PRPSAP1: variants seen among roughly 807,000 people sequenced by gnomAD.
PRPSAP1 encodes phosphoribosyl pyrophosphate synthetase associated protein 1.
A neutral mutation model predicts 39.4 loss-of-function variants in PRPSAP1; 31 were observed. The ratio of observed to expected loss-of-function variants is 0.79; its 90% CI spans 0.59 to 1.06. The LOEUF is 1.06. Ranked by LOEUF, PRPSAP1 falls within the 50% of genes least tolerant of loss-of-function variation. PRPSAP1 has a pLI of 0.00. For missense variants in PRPSAP1, 430 were observed against 511.6 expected (o/e 0.84, Z 1.54); for synonymous variants, 212 against 192.6 (o/e 1.10, Z -0.83).
intron 1 of PRPSAP1, chr17:76,353,323 G>A: frequency 1.1e-5 from 6 of 532,600 alleles, no homozygotes; most frequent in South Asian, 7.8e-5. Context: ...GGGGGCTGAG[G>A]TCACCGAGAG....
At position 76,329,087 on chromosome 17, in the gene PRPSAP1, T is replaced by C. The variant is rs148149720; in HGVS notation, c.636-225A>G. 2,054 of 464,032 alleles carry C rather than the reference T, an allele frequency of 4.4e-3. 36 individuals carry two copies. The highest frequency in any genetic ancestry group is 0.037 in the African/African-American group (1,828 of 49,366). The allele number at this position is 464,032 out of a possible 1,614,324, so 28.7% of individuals were successfully genotyped here. ...CTGATTCTAGACATTTTTTTTTTTTTTTGAGACAAGGTCTCACTGTCACCC... is the reference window on the plus strand; with the variant it reads ...CTGATTCTAGACATTTTTTTTTTTTCTTGAGACAAGGTCTCACTGTCACCC... On this transcript the variant is annotated intron_variant, in intron 6 of 9. Coordinates refer to ENST00000446526, the MANE Select transcript of PRPSAP1 (RefSeq NM_002766.3).
chr17:76,310,331 G>C lies in PRPSAP1; in HGVS notation c.*1211C>G, dbSNP rs2071057563. 1 of 150,830 alleles carries C rather than the reference G, an allele frequency of 6.6e-6. No individual in the cohort carries two copies. The highest frequency in any genetic ancestry group is 1.5e-5 in the Non-Finnish European group (1 of 67,984). 9.3% of individuals were successfully genotyped at this position (150,830 alleles called of 1,614,324 possible). The stretch of plus-strand genomic sequence containing the variant: ...TCTTTTTATGCTTTTAACTTAGCTA[G>C]GCTAATTTTTGTATTTTTAGTAGAG... On this transcript the variant is annotated 3_prime_UTR_variant, in exon 10 of 10. Transcript: ENST00000446526.
intron 7 of PRPSAP1, among the ~76,000 whole-genome samples, chr17:76,320,423 C>CTTTTTT (rs71161282): frequency 8.2e-5 from 6 of 73,408 alleles, no homozygotes; most frequent in East Asian, 4.3e-4. Context: ...GCAGATAATG[C>CTTTTTT]TTTTTTTTTT....
rs550609969 is a variant in PRPSAP1 at position 76,326,572 on chromosome 17, G to T, written c.781+2145C>A. ...ACACAAACAAGCCCCAATTAAGGGA[G>T]AGTCTACAAAATCACTTGATCGCAC... On this transcript the variant is annotated intron_variant, in intron 7 of 9. Transcript: ENST00000446526. Among the ~76,000 whole-genome samples the T allele has an allele frequency of 5.3e-5, 8 of 152,300 alleles. No homozygotes were observed. The East Asian group carries it at 1.5e-3, about 29-fold the overall frequency.
At chr17:76,346,350 A>AG (rs2071501090) in intron 2 of PRPSAP1, among the ~76,000 whole-genome samples, 1 of 152,134 alleles carries the variant, frequency 6.6e-6, no homozygotes, top group Admixed American at 6.6e-5. Flanking sequence ...TCCCAGGAAG[A>AG]GGGGCTCCCT....
Position 76,311,519 on chromosome 17 carries a change from C to G in PRPSAP1, c.*23G>C. The G allele has an allele frequency of 6.2e-7, 1 of 1,607,112 alleles. No individual in the cohort carries two copies. The highest frequency in any genetic ancestry group is 1.1e-5 in the South Asian group (1 of 90,132). On this transcript the variant is annotated 3_prime_UTR_variant, in exon 10 of 10. Coordinates refer to ENST00000446526, the MANE Select transcript of PRPSAP1 (RefSeq NM_002766.3). ...TTTTCCATGTTTCCCTCAGGAGGTC[C>G]AGGGTCGAGACCCTCGTGAAAGCTA...
intron 1 of PRPSAP1, among the ~76,000 whole-genome samples, chr17:76,352,644 C>CAAAAAAAAAAAAAAAAAA (rs55986677): frequency 1.3e-4 from 7 of 53,576 alleles, no homozygotes; most frequent in Admixed American, 2.4e-4. Context: ...GACTCCGTCT[C>CAAAAAAAAAAAAAAAAAA]AAAAAAAAAA....
At chr17:76,347,786 A>T (rs1198962609) in intron 2 of PRPSAP1, among the ~76,000 whole-genome samples, 1 of 152,120 alleles carries the variant, frequency 6.6e-6, no homozygotes, top group Non-Finnish European at 1.5e-5. Flanking sequence ...TCTAGCAAGC[A>T]GCAAACGGCA....
chr17:76,348,639 C>A, intron 1 of PRPSAP1, 58 bp from the exon 2 acceptor site: 1 of 1,297,390 alleles, frequency 7.7e-7, no homozygotes, highest in Non-Finnish European at 1.1e-6. Context: ...AAAAAAATTC[C>A]AGTTCATATG....
At chr17:76,321,226 A>G (rs182363865) in intron 7 of PRPSAP1, among the ~76,000 whole-genome samples, 6 of 151,420 alleles carry the variant, frequency 4.0e-5, no homozygotes, top group Admixed American at 1.3e-4. Flanking sequence ...TACTATTCCA[A>G]TTGTTTTGGG....
At chr17:76,353,094 C>A (rs2071596461) in intron 1 of PRPSAP1, 1 of 158,978 alleles carries the variant, frequency 6.3e-6, no homozygotes, top group Middle Eastern at 3.1e-3. Flanking sequence ...CGCGTCGGAT[C>A]CCCCAACTCA....
intron 7 of PRPSAP1, 30 bp from the exon 8 acceptor site, chr17:76,313,921 C>G (rs1379195080): frequency 6.2e-7 from 1 of 1,610,282 alleles, no homozygotes; most frequent in Non-Finnish European, 8.5e-7. Flanking sequence ...TACAAGATCT[C>G]AGTCATTCAT....
At chr17:76,352,577 G>A (rs2071587288) in intron 1 of PRPSAP1, among the ~76,000 whole-genome samples, 1 of 150,086 alleles carries the variant, frequency 6.7e-6, no homozygotes, top group Non-Finnish European at 1.5e-5. Flanking sequence ...CCCGGGAGGC[G>A]GAGCTTGCAG....
chr17:76,321,965 A>C (rs1019855499), intron 7 of PRPSAP1, among the ~76,000 whole-genome samples: 2 of 152,222 alleles, frequency 1.3e-5, no homozygotes, highest in African/African-American at 4.8e-5. Context: ...ATCCAGAGCA[A>C]GGCTTTTTCA....
intron 7 of PRPSAP1, among the ~76,000 whole-genome samples, chr17:76,325,798 C>T (rs774129905): frequency 6.6e-6 from 1 of 151,710 alleles, no homozygotes; most frequent in African/African-American, 2.4e-5. Flanking sequence ...AGTAGAGACG[C>T]GATTTCACAG....
rs575031314 is a variant in PRPSAP1 at position 76,345,025 on chromosome 17, G to C, written c.224-288C>G. Among the ~76,000 whole-genome samples the C allele has an allele frequency of 2.0e-3, 299 of 151,948 alleles. 2 individuals carry two copies. Among genetic ancestry groups the C allele is most frequent in the African/African-American group, 7.1e-3 (293 of 41,476 alleles). ...CCGAGGTGGGCAGATCACGAGGTCA[G>C]GAGATCGAGACCATCCTGGCTAACA... On this transcript the variant is annotated intron_variant, in intron 2 of 9. Transcript: ENST00000446526.
chr17:76,344,913 C>CA (rs1450016954), intron 2 of PRPSAP1, among the ~76,000 whole-genome samples, 176 bp from the exon 3 acceptor site: 2 of 152,038 alleles, frequency 1.3e-5, no homozygotes, highest in African/African-American at 4.8e-5. Flanking sequence ...ACAGCCTAGG[C>CA]AACATGACAA....
At chr17:76,323,640 C>G (rs2071221893) in intron 7 of PRPSAP1, among the ~76,000 whole-genome samples, 1 of 151,742 alleles carries the variant, frequency 6.6e-6, no homozygotes, top group Admixed American at 6.6e-5. Context: ...GAAGCTGTGA[C>G]TGGGCTGCTT....
At chr17:76,346,738 A>G (rs968184952) in intron 2 of PRPSAP1, among the ~76,000 whole-genome samples, 6 of 152,228 alleles carry the variant, frequency 3.9e-5, no homozygotes, top group Non-Finnish European at 8.8e-5. Context: ...TGTGCACTGA[A>G]AAAGGGAGTT....
Sources: gnomAD v4.1 joint callset for allele counts (sites outside exome capture counted in the v4.1 genomes callset) on GRCh38, gnomAD v4.1.1 for gene constraint, MANE v1.5 for transcripts, NCBI Gene and HGNC (gene_info 2026-07-23, HGNC 2026-07-21) for gene names.